Variants in EYA4 observed in about 807,000 individuals in gnomAD.
The protein encoded by EYA4 is protein phosphatase EYA4.
EYA4 carries 31 observed loss-of-function variants against 87.9 expected under a neutral mutation model. The ratio of observed to expected loss-of-function variants is 0.35; its 90% CI spans 0.27 to 0.48. EYA4 has a LOEUF of 0.48. Ranked by LOEUF, EYA4 falls within the 20% of genes least tolerant of loss-of-function variation. EYA4 has a pLI of 0.99. For synonymous variants in EYA4, 263 were observed against 270.6 expected, an observed-to-expected ratio of 0.97 and a Z score of 0.28; for missense variants, 678 against 761.4, an observed-to-expected ratio of 0.89 and a Z score of 1.29.
At chr6:133,516,809 C>T (rs1324381286) in intron 17 of EYA4, among the ~76,000 whole-genome samples, 1 of 151,924 alleles carries the variant, frequency 6.6e-6, no homozygotes, top group Non-Finnish European at 1.5e-5. Flanking sequence ...AGGATAATGG[C>T]CTCCAGCTCC....
At chr6:133,309,780 G>T (rs1358430942) in intron 2 of EYA4, among the ~76,000 whole-genome samples, 1 of 152,164 alleles carries the variant, frequency 6.6e-6, no homozygotes, top group East Asian at 1.9e-4. Flanking sequence ...GCTATGGAGA[G>T]AAGATTGCAC....
intron 2 of EYA4, among the ~76,000 whole-genome samples, chr6:133,301,062 CTT>C (rs1247759548): frequency 4.6e-5 from 7 of 152,146 alleles, no homozygotes. Context: ...ATTTTACACA[CTT>C]TGACTGTAAT....
chr6:133,469,451 T>G (rs2128677207), intron 11 of EYA4, among the ~76,000 whole-genome samples: 1 of 152,128 alleles, frequency 6.6e-6, no homozygotes, highest in Admixed American at 6.6e-5. Context: ...TTACCTGATT[T>G]AAAGACTTAT....
chr6:133,500,912 C>A (rs188924400), intron 13 of EYA4, among the ~76,000 whole-genome samples: 176 of 152,288 alleles, frequency 1.2e-3, no homozygotes, highest in Non-Finnish European at 2.2e-3. Flanking sequence ...GTCTGAGGAG[C>A]CACCTTGTTG....
At position 133,515,423 on chromosome 6, in the gene EYA4, T is replaced by C; in HGVS notation, c.1604T>C (p.Ile535Thr). 1 of 1,561,178 alleles carries C rather than the reference T, an allele frequency of 6.4e-7. No individual in the cohort carries two copies. Among genetic ancestry groups the C allele is most frequent in the East Asian group, 2.2e-5 (1 of 44,616 alleles). ...WLTNALKSLS[I>T]ISTRSNCINV... ...ACAAATGCACTTAAGTCTTTATCAA[T>C]TATTAGCACTAGGTAAGTGGAATTG... The change falls in exon 17 of 20, where the codon ATT (isoleucine) becomes ACT (threonine). Residue 535 changes from isoleucine (I) to threonine (T), a missense_variant. Ile to Thr is a moderately conservative substitution (Grantham distance 89, BLOSUM62 -1). Coordinates refer to ENST00000355286, the MANE Select transcript of EYA4 (RefSeq NM_004100.5).
At chr6:133,329,379 A>G (rs1239892675) in intron 2 of EYA4, among the ~76,000 whole-genome samples, 1 of 152,126 alleles carries the variant, frequency 6.6e-6, no homozygotes, top group Non-Finnish European at 1.5e-5. Flanking sequence ...TAAAGAAGAA[A>G]TGATAATGTG....
At chr6:133,525,917 C>T in intron 19 of EYA4, 1 of 985,286 alleles carries the variant, frequency 1.0e-6, no homozygotes, top group Non-Finnish European at 1.2e-6. Flanking sequence ...CCTCACATCT[C>T]CTAGAAGAGT....
chr6:133,287,975 G>A (rs62430312), intron 2 of EYA4, among the ~76,000 whole-genome samples: 10,981 of 151,968 alleles, frequency 0.072, 572 homozygotes, highest in Non-Finnish European at 0.11. Context: ...CTAAAAATAC[G>A]AAAATTAGCC....
At chr6:133,513,408 T>C (rs1322124085) in intron 16 of EYA4, among the ~76,000 whole-genome samples, 1 of 152,226 alleles carries the variant, frequency 6.6e-6, no homozygotes, top group Non-Finnish European at 1.5e-5. Context: ...CCTCAATCAT[T>C]GAAGGACGGT....
At chr6:133,489,697 T>A (rs927069376) in intron 13 of EYA4, among the ~76,000 whole-genome samples, 1 of 152,158 alleles carries the variant, frequency 6.6e-6, no homozygotes, top group Non-Finnish European at 1.5e-5. Flanking sequence ...AGAAATACTT[T>A]CCCAGACAAA....
chr6:133,410,116 T>G (rs1789079001), intron 3 of EYA4, among the ~76,000 whole-genome samples: 1 of 152,146 alleles, frequency 6.6e-6, no homozygotes, highest in Admixed American at 6.5e-5. Context: ...TAGATAGAGA[T>G]AATATATAGA....
chr6:133,458,193 G>A (rs1469784991), intron 6 of EYA4, among the ~76,000 whole-genome samples: 1 of 152,120 alleles, frequency 6.6e-6, no homozygotes, highest in Non-Finnish European at 1.5e-5. Context: ...GGGACGTGCT[G>A]TCCAGTAAGG....
intron 12 of EYA4, among the ~76,000 whole-genome samples, chr6:133,482,406 C>T (rs148318589): frequency 0.012 from 1,858 of 152,318 alleles, 18 homozygotes; most frequent in Non-Finnish European, 0.02. Flanking sequence ...CAGGCCCATT[C>T]TGAGGGACCT....
intron 3 of EYA4, among the ~76,000 whole-genome samples, chr6:133,422,360 A>G (rs937031022): frequency 6.6e-4 from 100 of 152,354 alleles, no homozygotes; most frequent in African/African-American, 2.3e-3. Context: ...AAAAATCCAC[A>G]TAAATATAAA....
At chr6:133,400,553 G>A (rs999986107) in intron 3 of EYA4, among the ~76,000 whole-genome samples, 3 of 151,528 alleles carry the variant, frequency 2.0e-5, no homozygotes, top group Non-Finnish European at 4.4e-5. Flanking sequence ...ATTGCAAGCC[G>A]CTTTGCATAA....
At chr6:133,411,313 G>GC (rs1473893899) in intron 3 of EYA4, among the ~76,000 whole-genome samples, 2 of 152,080 alleles carry the variant, frequency 1.3e-5, no homozygotes, top group Non-Finnish European at 2.9e-5. Context: ...TTTTTATGGA[G>GC]CGGGACCCAA....
chr6:133,294,591 G>C (rs1458548792), intron 2 of EYA4, among the ~76,000 whole-genome samples: 4 of 151,538 alleles, frequency 2.6e-5, no homozygotes, highest in Non-Finnish European at 1.5e-5. Context: ...ATTTTGAAAT[G>C]GAGTCTTGCT....
chr6:133,521,297 G>T (rs896565343), intron 17 of EYA4, among the ~76,000 whole-genome samples: 1 of 150,502 alleles, frequency 6.6e-6, no homozygotes, highest in Non-Finnish European at 1.5e-5. Flanking sequence ...ATCAAAAAGT[G>T]GGCGAAGGAC....
At chr6:133,386,063 G>A (rs937855892) in intron 3 of EYA4, among the ~76,000 whole-genome samples, 3 of 151,906 alleles carry the variant, frequency 2.0e-5, no homozygotes, top group Admixed American at 6.6e-5. Flanking sequence ...GCTTTCCTCT[G>A]TGTTGCTAAC....
Sources: gnomAD v4.1 joint callset for allele counts (sites outside exome capture counted in the v4.1 genomes callset) on GRCh38, gnomAD v4.1.1 for gene constraint, MANE v1.5 for transcripts, NCBI Gene and HGNC (gene_info 2026-07-23, HGNC 2026-07-21) for gene names.